Variants in ARK2N observed in about 807,000 individuals in gnomAD.
ARK2N encodes arkadia (RNF111) N-terminal like PKA signaling regulator 2N.
chr18:46,255,445 C>CTTTTTTTTTTTTTTTTTT, the ARK2N span, among the ~76,000 whole-genome samples: 5 of 77,732 alleles, frequency 6.4e-5, no homozygotes, highest in Non-Finnish European at 1.1e-4. Flanking sequence ...CTTTTCTTTT[C>CTTTTTTTTTTTTTTTTTT]TTTTTTTTTT....
At chr18:46,177,871 C>G in the ARK2N span, among the ~76,000 whole-genome samples, 1 of 151,598 alleles carries the variant, frequency 6.6e-6, no homozygotes, top group African/African-American at 2.4e-5. Context: ...CCGCTGCACT[C>G]CAGCCTGGGC....
the ARK2N span, chr18:46,216,467 A>G: frequency 6.2e-7 from 1 of 1,614,162 alleles, no homozygotes; most frequent in Non-Finnish European, 8.5e-7. This position sits in a 1 kb window ranked among gnomAD's most constrained non-coding sequence, Gnocchi z 4.3. Flanking sequence ...GCTGCAAGGA[A>G]GAAATATAAC....
the ARK2N span, among the ~76,000 whole-genome samples, chr18:46,206,266 T>C: frequency 3.9e-5 from 6 of 151,904 alleles, no homozygotes; most frequent in South Asian, 1.0e-3. Context: ...TTTAATTTTT[T>C]GTAGATATGG....
chr18:46,184,920 T>G, the ARK2N span, among the ~76,000 whole-genome samples: 10 of 152,210 alleles, frequency 6.6e-5, no homozygotes, highest in Non-Finnish European at 1.0e-4. Flanking sequence ...TATTTGCGTA[T>G]ACACACACAA....
the ARK2N span, among the ~76,000 whole-genome samples, chr18:46,248,862 C>T: frequency 1.3e-4 from 20 of 152,158 alleles, no homozygotes; most frequent in Non-Finnish European, 4.4e-5. Context: ...GGATTACAGG[C>T]GTGAGCCACT....
chr18:46,240,167 A>T, the ARK2N span: 1 of 1,614,172 alleles, frequency 6.2e-7, no homozygotes, highest in East Asian at 2.2e-5. Flanking sequence ...GGGCTTCTAG[A>T]GGAGCTGAAT....
chr18:46,225,574 T>G, the ARK2N span, among the ~76,000 whole-genome samples: 2 of 152,180 alleles, frequency 1.3e-5, no homozygotes, highest in Admixed American at 1.3e-4. Flanking sequence ...TTCTCCTGTC[T>G]CAGCCTCCCG....
the ARK2N span, among the ~76,000 whole-genome samples, chr18:46,204,295 T>A: frequency 8.5e-5 from 13 of 152,178 alleles, no homozygotes; most frequent in Non-Finnish European, 1.8e-4. Flanking sequence ...TAGCATAAGG[T>A]TTCCTGTTAG....
chr18:46,216,213 C>T, the ARK2N span: 995 of 1,613,744 alleles, frequency 6.2e-4, 1 homozygote, highest in Non-Finnish European at 7.7e-4. The surrounding 1 kb of genome is among the most constrained non-coding windows in gnomAD (Gnocchi z 4.3). Context: ...CGTTGTCTTC[C>T]GCAGAAGAGA....
the ARK2N span, among the ~76,000 whole-genome samples, chr18:46,175,948 T>C: frequency 6.6e-6 from 1 of 152,172 alleles, no homozygotes; most frequent in East Asian, 1.9e-4. Flanking sequence ...ATATTTAACA[T>C]GCATTTATGT....
chr18:46,203,127 A>G, the ARK2N span, among the ~76,000 whole-genome samples: 1 of 152,230 alleles, frequency 6.6e-6, no homozygotes, highest in Non-Finnish European at 1.5e-5. Flanking sequence ...TAGGAGTTGT[A>G]TTAACTCCTG....
chr18:46,173,826 A>G, the ARK2N span: 1 of 152,266 alleles, frequency 6.6e-6, no homozygotes, highest in Non-Finnish European at 1.5e-5. Flanking sequence ...CGGGAAGGTG[A>G]CGGTCTCAAC....
chr18:46,238,457 A>G, the ARK2N span, among the ~76,000 whole-genome samples: 1 of 152,184 alleles, frequency 6.6e-6, no homozygotes, highest in African/African-American at 2.4e-5. Flanking sequence ...TTTTTTAGAA[A>G]AGAAAAACCT....
the ARK2N span, among the ~76,000 whole-genome samples, chr18:46,210,945 G>A: frequency 6.6e-6 from 1 of 151,696 alleles, no homozygotes; most frequent in Non-Finnish European, 1.5e-5. Flanking sequence ...GTTGGTGGAT[G>A]GGAAAAGGAC....
chr18:46,214,540 C>T, the ARK2N span, among the ~76,000 whole-genome samples: 2 of 152,164 alleles, frequency 1.3e-5, no homozygotes, highest in African/African-American at 2.4e-5. Flanking sequence ...TGTCATTTCA[C>T]TTAAAGTCTC....
At chr18:46,259,953 T>C in the ARK2N span, among the ~76,000 whole-genome samples, 1 of 130,710 alleles carries the variant, frequency 7.7e-6, no homozygotes. Flanking sequence ...ACTTGTGAGC[T>C]CAAGTGATCC....
At chr18:46,195,162 G>A in the ARK2N span, among the ~76,000 whole-genome samples, 2 of 150,890 alleles carry the variant, frequency 1.3e-5, no homozygotes, top group Non-Finnish European at 2.9e-5. Flanking sequence ...GATTCCCTGT[G>A]TACCTACTTA....
the ARK2N span, among the ~76,000 whole-genome samples, chr18:46,221,800 A>G: frequency 6.6e-6 from 1 of 152,172 alleles, no homozygotes; most frequent in African/African-American, 2.4e-5. Flanking sequence ...CCAAACCCAC[A>G]TAGTGAATCC....
chr18:46,264,780 C>T, the ARK2N span: 1 of 131,550 alleles, frequency 7.6e-6, no homozygotes. Context: ...CTTTACGCTT[C>T]TTGTTGCATT....
Sources: gnomAD v4.1 joint callset for allele counts (sites outside exome capture counted in the v4.1 genomes callset) on GRCh38, gnomAD v4.1.1 for gene constraint, Gnocchi (gnomAD v3.1) non-coding constraint, MANE v1.5 for transcripts, NCBI Gene and HGNC (gene_info 2026-07-23, HGNC 2026-07-21) for gene names.